Variants in SV2C observed in about 807,000 individuals in gnomAD.
SV2C encodes synaptic vesicle glycoprotein 2C.
Under a neutral mutation model 79.7 loss-of-function variants are expected in SV2C, and 49 were observed. That is an observed-to-expected ratio of 0.61 (90% CI 0.49 to 0.78). The LOEUF (loss-of-function observed/expected upper bound fraction) is 0.78. SV2C is among the 30% of genes least tolerant of loss of function. SV2C has a pLI of 0.00. For synonymous variants in SV2C, 334 were observed against 333.2 expected (o/e 1.00, Z -0.03); for missense variants, 833 against 912.9 (o/e 0.91, Z 1.13).
the SV2C span, among the ~76,000 whole-genome samples, chr5:76,034,124 C>G: frequency 1.8e-4 from 28 of 151,872 alleles, no homozygotes; most frequent in Admixed American, 5.9e-4. Flanking sequence ...GCTGAAGTTG[C>G]TTATCAGCTT....
chr5:75,858,857 T>C, the SV2C span, among the ~76,000 whole-genome samples: 1 of 152,152 alleles, frequency 6.6e-6, no homozygotes, highest in South Asian at 2.1e-4. Context: ...AATTTATTTT[T>C]CTATTCCCAA....
chr5:75,985,947 G>T, the SV2C span, among the ~76,000 whole-genome samples: 1 of 151,532 alleles, frequency 6.6e-6, no homozygotes, highest in African/African-American at 2.4e-5. Flanking sequence ...TCAGGATAAT[G>T]GGCTTATTAA....
At chr5:75,865,674 T>C in the SV2C span, among the ~76,000 whole-genome samples, 2 of 152,136 alleles carry the variant, frequency 1.3e-5, no homozygotes, top group Non-Finnish European at 2.9e-5. Context: ...AAGAAAAGGA[T>C]TGGAAGATCA....
chr5:75,935,230 A>G, the SV2C span, among the ~76,000 whole-genome samples: 1 of 152,192 alleles, frequency 6.6e-6, no homozygotes, highest in Admixed American at 6.5e-5. Context: ...TAAAACAACA[A>G]AACATTTTTC....
intron 3 of SV2C, among the ~76,000 whole-genome samples, chr5:76,209,430 C>T (rs1474235548): frequency 6.6e-6 from 1 of 152,138 alleles, no homozygotes; most frequent in Non-Finnish European, 1.5e-5. Context: ...ACACAAAACA[C>T]AACCATGAGC....
At chr5:75,868,579 T>A in the SV2C span, among the ~76,000 whole-genome samples, 4,033 of 152,312 alleles carry the variant, frequency 0.026, 174 homozygotes, top group African/African-American at 0.092. Flanking sequence ...GTGCTTCCAA[T>A]AGTAAACTAA....
At chr5:75,886,373 C>T in the SV2C span, among the ~76,000 whole-genome samples, 425 of 152,276 alleles carry the variant, frequency 2.8e-3, 5 homozygotes, top group African/African-American at 9.7e-3. Context: ...CTAAGTGGCA[C>T]ACTGCCTTCC....
upstream of SV2C, chr5:76,079,223 A>G: frequency 3.1e-6 from 1 of 327,840 alleles, no homozygotes; most frequent in Non-Finnish European, 6.2e-6. Context: ...GGGCAGCAGC[A>G]AAGCAGATTT....
chr5:76,223,987 G>A (rs933097547), intron 4 of SV2C, among the ~76,000 whole-genome samples: 2 of 152,032 alleles, frequency 1.3e-5, no homozygotes, highest in Non-Finnish European at 2.9e-5. Flanking sequence ...TCAGACTAGG[G>A]TCCCACCCTT....
At chr5:76,271,425 A>C (rs1746850558) in intron 4 of SV2C, among the ~76,000 whole-genome samples, 1 of 152,256 alleles carries the variant, frequency 6.6e-6, no homozygotes, top group Non-Finnish European at 1.5e-5. Flanking sequence ...GGAAAAAATC[A>C]GTGAGTGTAT....
At chr5:76,198,002 G>A (rs1423518225) in intron 3 of SV2C, among the ~76,000 whole-genome samples, 1 of 152,194 alleles carries the variant, frequency 6.6e-6, no homozygotes, top group Non-Finnish European at 1.5e-5. Flanking sequence ...GAGGAAGGAT[G>A]TCCCAGCTCC....
chr5:76,271,121 A>G (rs1254373745), intron 4 of SV2C, among the ~76,000 whole-genome samples: 1 of 152,158 alleles, frequency 6.6e-6, no homozygotes, highest in Admixed American at 6.5e-5. Context: ...AAATGTCAAA[A>G]GGGAAAAAAA....
rs555145421 is a variant in SV2C at position 76,114,159 on chromosome 5, C to A, written c.-101-17491C>A. 3.5e-4 allele frequency among the ~76,000 whole-genome samples: 54 copies of A among 152,262 alleles called. 1 individual carries two copies. The South Asian group carries it at 0.011, about 31-fold the overall frequency. Reference sequence around the variant, plus strand: ...GCTGTGCTCCCATTTAGCTACAGAGCACCGGTGGAGATGTTCAGTAAGTCC... The same window carrying A: ...GCTGTGCTCCCATTTAGCTACAGAGAACCGGTGGAGATGTTCAGTAAGTCC... On this transcript the variant is annotated intron_variant, in intron 1 of 12. Transcript: ENST00000502798.
At chr5:76,133,207 G>A (rs1748961531) in intron 2 of SV2C, among the ~76,000 whole-genome samples, 1 of 152,144 alleles carries the variant, frequency 6.6e-6, no homozygotes, top group Admixed American at 6.5e-5. Context: ...ATAAAATCAG[G>A]AGGATTTCCA....
At chr5:76,048,862 T>G in the SV2C span, among the ~76,000 whole-genome samples, 496 of 65,762 alleles carry the variant, frequency 7.5e-3, 2 homozygotes, top group African/African-American at 0.011. Context: ...AGGAAGGGGG[T>G]GAGAGAGAGA....
At chr5:76,202,465 C>G (rs1288875244) in intron 3 of SV2C, among the ~76,000 whole-genome samples, 1 of 152,182 alleles carries the variant, frequency 6.6e-6, no homozygotes, top group Non-Finnish European at 1.5e-5. Context: ...AGGGCCCATG[C>G]TCATAACCAT....
At chr5:75,910,276 A>T in the SV2C span, 2 of 490,152 alleles carry the variant, frequency 4.1e-6, no homozygotes, top group Non-Finnish European at 8.0e-6. Context: ...AAAAAATAAA[A>T]AATTAGTTTT....
chr5:75,992,867 A>T, the SV2C span, among the ~76,000 whole-genome samples: 3 of 152,078 alleles, frequency 2.0e-5, no homozygotes, highest in Non-Finnish European at 2.9e-5. Context: ...AGGCAGAGGA[A>T]CAAATCAAAC....
At chr5:76,344,108 T>C (rs1036432832) in intron 12 of SV2C, among the ~76,000 whole-genome samples, 1 of 152,222 alleles carries the variant, frequency 6.6e-6, no homozygotes, top group African/African-American at 2.4e-5. Flanking sequence ...GCCCATCTTC[T>C]TTCTAGCATT....
Sources: allele counts gnomAD v4.1 joint callset (sites outside exome capture counted in the v4.1 genomes callset), GRCh38; gene constraint gnomAD v4.1.1; transcripts MANE v1.5; gene names NCBI Gene and HGNC (gene_info 2026-07-23, HGNC 2026-07-21).